The following PIGN variants were observed in gnomAD, a reference collection of about 807,000 sequenced individuals.
PIGN encodes the protein phosphatidylinositol glycan anchor biosynthesis class N.
In PIGN, 117 loss-of-function variants were observed where a neutral mutation model predicts 125.4. The ratio of observed to expected loss-of-function variants is 0.93; its 90% CI spans 0.80 to 1.09. The LOEUF (loss-of-function observed/expected upper bound fraction) is 1.09, where lower values mean the gene tolerates loss of function less well. Among genes scored for constraint, PIGN ranks in the 50% least tolerant of loss-of-function variants. The pLI is 0.00. For missense variants in PIGN, 1,075 were observed against 1,094.9 expected (o/e 0.98, Z 0.26); for synonymous variants, 392 against 377.8 (o/e 1.04, Z -0.44).
At chr18:62,153,094 T>C (rs537931271) in intron 7 of PIGN, among the ~76,000 whole-genome samples, 74 of 152,274 alleles carry the variant, frequency 4.9e-4, no homozygotes, top group Middle Eastern at 3.4e-3. Flanking sequence ...TGCTGGCTCT[T>C]GACCAAGATT....
chr18:62,163,817 C>T (rs773527363), intron 1 of PIGN, among the ~76,000 whole-genome samples, 161 bp from the exon 2 acceptor site: 37 of 152,158 alleles, frequency 2.4e-4, no homozygotes, highest in Non-Finnish European at 5.1e-4. Context: ...TCTATATATA[C>T]GCATTAAACA....
Position 62,074,810 on chromosome 18 carries a change from A to G in PIGN, c.2588T>C (p.Ile863Thr), listed in dbSNP as rs1343444045. The change falls in exon 29 of 31, where the codon ATT (isoleucine) becomes ACT (threonine). Residue 863 changes from isoleucine to threonine, a missense_variant. By Grantham distance (89) the Ile-to-Thr change is moderately conservative. This residue lies in a region of PIGN where 915 missense variants were observed against 908.7 expected (regional missense o/e 1.01). Transcript: ENST00000640252. ...TQLSSKSLFLIVLVISDIMAL... is the reference protein window; with the variant it reads ...TQLSSKSLFLTVLVISDIMAL... The stretch of plus-strand genomic sequence containing the variant: ...CATAATGTCTGATATGACGAGAACA[A>G]TGAGAAAAAGGCTGGAAAAAAAAAG... 6.2e-7 allele frequency: 1 copy of G among 1,605,742 alleles called. No homozygotes were observed. Among genetic ancestry groups the G allele is most frequent in the African/African-American group, 1.3e-5 (1 of 74,742 alleles).
downstream of PIGN, among the ~76,000 whole-genome samples, chr18:62,038,825 A>C (rs995314855): frequency 6.6e-6 from 1 of 152,072 alleles, no homozygotes; most frequent in East Asian, 1.9e-4. Flanking sequence ...GGCTGAGGTA[A>C]GAGGGCTGTT....
rs376199558 is a variant in PIGN at position 62,133,967 on chromosome 18, T to C, written c.1172+4276A>G. Reference sequence around the variant, plus strand: ...GCCTACATTTTTAAAAAACATGTTCTTCTTACTTTTTCTTGACTTGATGAC... The same window carrying C: ...GCCTACATTTTTAAAAAACATGTTCCTCTTACTTTTTCTTGACTTGATGAC... On this transcript the variant is annotated intron_variant, in intron 14 of 30. Coordinates refer to ENST00000640252, the MANE Select transcript of PIGN (RefSeq NM_176787.5). Among the ~76,000 whole-genome samples the C allele has an allele frequency of 1.2e-4, 19 of 152,332 alleles. No individual in the cohort carries two copies. In the South Asian group the frequency reaches 3.9e-3, roughly 32 times the overall value.
At chr18:62,024,435 C>T (rs1286621903) in intron 23 of PIGN, among the ~76,000 whole-genome samples, 1 of 152,210 alleles carries the variant, frequency 6.6e-6, no homozygotes, top group Non-Finnish European at 1.5e-5. Context: ...CTCCAGACCA[C>T]ATCTCACTTG....
At chr18:62,168,120 G>A (rs1013165886) in intron 1 of PIGN, among the ~76,000 whole-genome samples, 1 of 151,868 alleles carries the variant, frequency 6.6e-6, no homozygotes, top group African/African-American at 2.4e-5. Flanking sequence ...GGAGGCAGAG[G>A]TTGTGGTGAG....
intron 5 of PIGN, 124 bp downstream of exon 5, chr18:62,157,563 T>C (rs931806390): frequency 1.9e-5 from 17 of 896,278 alleles, no homozygotes; most frequent in Non-Finnish European, 2.8e-5. Flanking sequence ...CAGCAAAGCA[T>C]GCTAAAACAT....
chr18:62,090,501 T>G lies in PIGN; in HGVS notation c.2258A>C (p.Gln753Pro), dbSNP rs2033905082. 1 of 1,607,332 alleles carries G rather than the reference T, an allele frequency of 6.2e-7. No homozygotes were observed. Among genetic ancestry groups the G allele is most frequent in the East Asian group, 2.2e-5 (1 of 44,504 alleles). The change falls in exon 24 of 31, where the codon CAA becomes CCA. Residue 753 changes from glutamine to proline, a missense_variant. Physicochemically the swap from Gln to Pro is moderately conservative, Grantham distance 76. Transcript: ENST00000640252. ...WINIEQETLQ[Q>P]SGVCCKQKLT... is the part of the protein sequence containing the mutation. The stretch of plus-strand genomic sequence containing the variant: ...CTTTTGTTTACAGCAAACACCAGAT[T>G]GTTGTAGAGTTTCTTGTTCTATGTT...
chr18:62,171,018 G>A (rs536276795), intron 1 of PIGN, among the ~76,000 whole-genome samples: 27 of 152,244 alleles, frequency 1.8e-4, no homozygotes, highest in African/African-American at 4.6e-4. Flanking sequence ...CTGCAGAAGC[G>A]AAGTCAGTAT....
chr18:62,117,733 TTCA>T (rs1206915975), intron 14 of PIGN, among the ~76,000 whole-genome samples: 2 of 152,118 alleles, frequency 1.3e-5, no homozygotes, highest in South Asian at 4.1e-4. Flanking sequence ...TCTTGTCTAC[TTCA>T]TCAATTCTAT....
chr18:62,161,889 ATT>A (rs10713878), intron 3 of PIGN, among the ~76,000 whole-genome samples: 35 of 151,052 alleles, frequency 2.3e-4, no homozygotes, highest in Non-Finnish European at 4.9e-4. Flanking sequence ...AATATTTGTG[ATT>A]TTTTTTTTCT....
At chr18:62,171,143 C>T (rs1437316895) in intron 1 of PIGN, among the ~76,000 whole-genome samples, 1 of 152,134 alleles carries the variant, frequency 6.6e-6, no homozygotes, top group African/African-American at 2.4e-5. Context: ...TATAACTCTC[C>T]ATTTATTTAG....
intron 30 of PIGN, among the ~76,000 whole-genome samples, chr18:62,067,384 G>T (rs555912178): frequency 6.6e-6 from 1 of 152,242 alleles, no homozygotes; most frequent in East Asian, 1.9e-4. Flanking sequence ...CCAGTTAGCC[G>T]ATTATTGACA....
At chr18:62,066,968 GT>G (rs1267241821) in intron 30 of PIGN, among the ~76,000 whole-genome samples, 1 of 152,192 alleles carries the variant, frequency 6.6e-6, no homozygotes, top group Admixed American at 6.5e-5. Flanking sequence ...ACTTGAAAGA[GT>G]GGTCTGTACT....
intron 14 of PIGN, among the ~76,000 whole-genome samples, chr18:62,125,903 C>G (rs932383495): frequency 1.3e-5 from 2 of 151,978 alleles, no homozygotes; most frequent in Admixed American, 1.3e-4. Flanking sequence ...TCATACATAA[C>G]TCACAAAGAA....
At chr18:62,110,128 A>T in intron 16 of PIGN, 155 bp from the exon 17 acceptor site, 1 of 627,632 alleles carries the variant, frequency 1.6e-6, no homozygotes, top group Non-Finnish European at 2.6e-6. Flanking sequence ...ACAAGGAAAA[A>T]AATCTATTAT....
intron 1 of PIGN, among the ~76,000 whole-genome samples, chr18:62,175,858 G>T (rs60361922): frequency 1.9e-3 from 285 of 152,236 alleles, no homozygotes; most frequent in African/African-American, 6.6e-3. Flanking sequence ...AAGTCAAAGA[G>T]AAATTTTACT....
intron 14 of PIGN, among the ~76,000 whole-genome samples, chr18:62,117,553 T>C (rs200462629): frequency 3.8e-4 from 40 of 106,454 alleles, no homozygotes; most frequent in Admixed American, 2.1e-3. Flanking sequence ...AGCCCCCCCC[T>C]CTAAAAAGAA....
rs965328760 is a variant in PIGN, at chr18:62,110,397, T to A, written c.1435-424A>T. Reference sequence around the variant, plus strand: ...AATGTCTTATCTATTCAAGCTCCAATGTGACAAGCTATCTAAGCTTCTCTC... The same window carrying A: ...AATGTCTTATCTATTCAAGCTCCAAAGTGACAAGCTATCTAAGCTTCTCTC... On this transcript the variant is annotated intron_variant, in intron 16 of 30. Transcript: ENST00000640252. 6.6e-5 allele frequency among the ~76,000 whole-genome samples: 10 copies of A among 152,292 alleles called. No homozygotes were observed. In the East Asian group the frequency reaches 1.3e-3, roughly 21 times the overall value.
Sources: allele counts gnomAD v4.1 joint callset (sites outside exome capture counted in the v4.1 genomes callset), GRCh38; gene constraint gnomAD v4.1.1; regional missense constraint gnomAD v4.1.1; transcripts MANE v1.5; gene names NCBI Gene and HGNC (gene_info 2026-07-23, HGNC 2026-07-21).